The following NRG3 variants were observed in gnomAD, a reference collection of about 807,000 sequenced individuals.
The protein encoded by NRG3 is pro-neuregulin-3, membrane-bound isoform.
Under a neutral mutation model 66.9 loss-of-function variants are expected in NRG3, and 31 were observed. That is an observed-to-expected ratio of 0.46 (90% CI 0.35 to 0.63). The LOEUF is 0.63. Ranked by LOEUF, NRG3 falls within the 20% of genes least tolerant of loss-of-function variation. NRG3 has a pLI of 0.00. For synonymous variants in NRG3, 393 were observed against 359.4 expected, an observed-to-expected ratio of 1.09 and a Z score of -1.06; for missense variants, 910 against 878.9, an observed-to-expected ratio of 1.04 and a Z score of -0.45.
chr10:82,233,208 C>CA (rs751324070), intron 1 of NRG3, among the ~76,000 whole-genome samples: 14 of 152,114 alleles, frequency 9.2e-5, no homozygotes, highest in East Asian at 1.9e-4. Flanking sequence ...ACTAAAAATA[C>CA]AAAAAAATTA....
chr10:82,038,844 T>C (rs7069879), intron 1 of NRG3, among the ~76,000 whole-genome samples: 96,651 of 151,880 alleles, frequency 0.64, 32,331 homozygotes, highest in South Asian at 0.87. Context: ...GTCATCCTCT[T>C]TTCCATGTTT....
At position 82,844,803 on chromosome 10, in the gene NRG3, T is replaced by TA. The variant is rs557526725; in HGVS notation, c.1028-20599dup. The stretch of plus-strand genomic sequence containing the variant: ...AACAAAGGATTAATTAAATGAGTAT[T>TA]AAAAAAAAAGTCTTTGCTTCTATTT... On this transcript the variant is annotated intron_variant, in intron 3 of 8. Transcript: ENST00000372141. 1.1e-4 allele frequency among the ~76,000 whole-genome samples: 17 copies of TA among 150,618 alleles called. No homozygotes were observed. The South Asian group carries it at 1.5e-3, about 13-fold the overall frequency.
chr10:82,329,356 T>G (rs2082026303), intron 1 of NRG3, among the ~76,000 whole-genome samples: 1 of 152,050 alleles, frequency 6.6e-6, no homozygotes, highest in Admixed American at 6.5e-5. Context: ...TTTTTTCTTT[T>G]GCCTCAATTA....
intron 3 of NRG3, among the ~76,000 whole-genome samples, chr10:82,769,452 A>T (rs541654631): frequency 6.6e-6 from 1 of 152,202 alleles, no homozygotes; most frequent in East Asian, 1.9e-4. Flanking sequence ...AAATAACTTT[A>T]ATTACTTGAA....
intron 4 of NRG3, among the ~76,000 whole-genome samples, chr10:82,883,323 C>G (rs1432108146): frequency 6.6e-6 from 1 of 152,076 alleles, no homozygotes; most frequent in South Asian, 2.1e-4. Context: ...TTAGAAGAAG[C>G]CTCGGAGATC....
At chr10:82,984,911 GCAAGT>G in intron 8 of NRG3, 182 bp from the exon 9 acceptor site, 3 of 1,290,360 alleles carry the variant, frequency 2.3e-6, no homozygotes, top group Non-Finnish European at 3.4e-6. Flanking sequence ...GTGACCTTGG[GCAAGT>G]CACTTCACCT....
chr10:82,350,047 G>A (rs969438397), intron 1 of NRG3, among the ~76,000 whole-genome samples: 1 of 152,164 alleles, frequency 6.6e-6, no homozygotes, highest in Admixed American at 6.5e-5. Flanking sequence ...GCTGGGAGCT[G>A]TAGACCAGGG....
At chr10:82,184,086 A>G (rs1320806740) in intron 1 of NRG3, among the ~76,000 whole-genome samples, 1 of 152,150 alleles carries the variant, frequency 6.6e-6, no homozygotes, top group Non-Finnish European at 1.5e-5. Flanking sequence ...TATTTGTTAT[A>G]GAAGCTGAGA....
At chr10:81,957,470 A>G (rs1312979192) in intron 1 of NRG3, among the ~76,000 whole-genome samples, 1 of 152,156 alleles carries the variant, frequency 6.6e-6, no homozygotes, top group Non-Finnish European at 1.5e-5. Context: ...ACGAATTTAT[A>G]CTTTGTCATA....
At position 82,446,802 on chromosome 10, in the gene NRG3, G is replaced by GA. The variant is rs569578806; in HGVS notation, c.953+87942dup. Among the ~76,000 whole-genome samples, 649 of 152,066 alleles carry GA rather than the reference G, an allele frequency of 4.3e-3. 5 individuals carry two copies. The highest frequency in any genetic ancestry group is 0.015 in the African/African-American group (637 of 41,482). ...AGTACTCTGGAACTTAAACGTTGAA[G>GA]AAAAAAAATTCAAAACTGCTTCCCG... is the stretch of plus-strand genomic sequence containing the variant. On this transcript the variant is annotated intron_variant, in intron 2 of 8. Coordinates refer to ENST00000372141, the MANE Select transcript of NRG3 (RefSeq NM_001010848.4).
Position 82,435,009 on chromosome 10 carries a change from A to G in NRG3, c.953+76141A>G, listed in dbSNP as rs977047062. Among the ~76,000 whole-genome samples, 4 of 152,242 alleles carry G rather than the reference A, an allele frequency of 2.6e-5. No homozygotes were observed. In the South Asian group the frequency reaches 8.3e-4, roughly 32 times the overall value. On this transcript the variant is annotated intron_variant, in intron 2 of 8. Transcript: ENST00000372141. ...CTTTTCAATTGTTTTTAAAAGTTTCAGAAGTAATGGTACCAGCTCCTCTTT... is the reference window on the plus strand; with the variant it reads ...CTTTTCAATTGTTTTTAAAAGTTTCGGAAGTAATGGTACCAGCTCCTCTTT...
intron 2 of NRG3, among the ~76,000 whole-genome samples, chr10:82,535,613 T>G (rs1010405344): frequency 4.6e-5 from 7 of 152,140 alleles, no homozygotes; most frequent in African/African-American, 1.7e-4. Flanking sequence ...GCTGGAATTG[T>G]TTTACATTTA....
chr10:82,663,643 T>C (rs958199294), intron 2 of NRG3, among the ~76,000 whole-genome samples: 4 of 152,162 alleles, frequency 2.6e-5, no homozygotes, highest in African/African-American at 9.7e-5. Context: ...TGTCAATAGC[T>C]CATCAAGTGT....
intron 1 of NRG3, among the ~76,000 whole-genome samples, chr10:82,220,872 T>C (rs2075908063): frequency 6.6e-6 from 1 of 152,158 alleles, no homozygotes; most frequent in Non-Finnish European, 1.5e-5. Context: ...TGACTTGTGC[T>C]TGCAGTTCCA....
chr10:82,053,248 C>T (rs1334926678), intron 1 of NRG3, among the ~76,000 whole-genome samples: 1 of 151,900 alleles, frequency 6.6e-6, no homozygotes, highest in Non-Finnish European at 1.5e-5. Context: ...TAGTCCAACA[C>T]ATTAAAAGTT....
chr10:82,313,342 A>C (rs1382136542), intron 1 of NRG3, among the ~76,000 whole-genome samples: 2 of 152,152 alleles, frequency 1.3e-5, no homozygotes, highest in Non-Finnish European at 2.9e-5. Context: ...ATCTCAAAAA[A>C]ATAAATAAAT....
chr10:82,192,304 T>C (rs909385457), intron 1 of NRG3, among the ~76,000 whole-genome samples: 2 of 152,228 alleles, frequency 1.3e-5, no homozygotes, highest in East Asian at 1.9e-4. Flanking sequence ...TAATTGCTGC[T>C]TTACTCCTGT....
chr10:81,966,900 A>G (rs2059750728), intron 1 of NRG3, among the ~76,000 whole-genome samples: 1 of 152,178 alleles, frequency 6.6e-6, no homozygotes, highest in Non-Finnish European at 1.5e-5. Flanking sequence ...ATTAATAAAT[A>G]CAAATTTTAT....
chr10:82,674,090 A>G (rs548123795), intron 2 of NRG3, among the ~76,000 whole-genome samples: 8 of 152,294 alleles, frequency 5.3e-5, no homozygotes, highest in East Asian at 1.9e-4. Flanking sequence ...AAGAGTGCTA[A>G]CCAGGAGTAT....
Sources: allele counts gnomAD v4.1 joint callset (sites outside exome capture counted in the v4.1 genomes callset), GRCh38; gene constraint gnomAD v4.1.1; transcripts MANE v1.5; gene names NCBI Gene and HGNC (gene_info 2026-07-23, HGNC 2026-07-21).